Variants in DCDC2 observed in about 807,000 individuals in gnomAD.
The protein encoded by DCDC2 is doublecortin domain-containing protein 2.
In DCDC2, 40 loss-of-function variants were observed where a neutral mutation model predicts 50.2. That is an observed-to-expected ratio of 0.80 (90% CI 0.62 to 1.04). The LOEUF (loss-of-function observed/expected upper bound fraction) is 1.04, where lower values mean the gene tolerates loss of function less well. Ranked by LOEUF, DCDC2 falls within the 50% of genes least tolerant of loss-of-function variation. DCDC2 has a pLI of 0.00. For missense variants in DCDC2, 570 were observed against 581.9 expected (o/e 0.98, Z 0.21); for synonymous variants, 234 against 210.6 (o/e 1.11, Z -0.96).
intron 2 of DCDC2, among the ~76,000 whole-genome samples, chr6:24,321,761 G>A (rs1417967312): frequency 2.0e-5 from 3 of 152,170 alleles, no homozygotes; most frequent in Non-Finnish European, 4.4e-5. Flanking sequence ...TCCTAACTTT[G>A]CTGGGTAGGA....
chr6:24,236,014 GT>G lies in DCDC2; in HGVS notation c.923-30913del, dbSNP rs1232932426. Among the ~76,000 whole-genome samples, 3 of 152,162 alleles carry G rather than the reference GT, an allele frequency of 2.0e-5. No homozygotes were observed. In the East Asian group the frequency reaches 5.8e-4, roughly 29 times the overall value. ...TAGAAGAGCCAATGTCATTAAAATG[GT>G]CACAATGCCCAAAGCAATTTAGACT... On this transcript the variant is annotated intron_variant, in intron 7 of 9. Transcript: ENST00000378454.
At chr6:24,355,627 A>C (rs919922028) in intron 1 of DCDC2, among the ~76,000 whole-genome samples, 17 of 152,206 alleles carry the variant, frequency 1.1e-4, no homozygotes, top group Non-Finnish European at 2.1e-4. Flanking sequence ...TGAGCAACTC[A>C]GTCTTCAGTC....
intron 8 of DCDC2, among the ~76,000 whole-genome samples, chr6:24,193,993 A>C (rs1322390127): frequency 1.3e-5 from 2 of 152,166 alleles, no homozygotes; most frequent in African/African-American, 4.8e-5. Context: ...TTTTTAAATT[A>C]AAGTTTAATT....
intron 2 of DCDC2, among the ~76,000 whole-genome samples, chr6:24,337,797 C>CA (rs34344592): frequency 0.15 from 18,346 of 126,512 alleles, 2,253 homozygotes; most frequent in African/African-American, 0.34. Context: ...GACTCCGTCT[C>CA]AAAAAAAAAA....
chr6:24,264,632 T>C (rs1031782187), intron 7 of DCDC2, among the ~76,000 whole-genome samples: 3 of 150,632 alleles, frequency 2.0e-5, no homozygotes, highest in African/African-American at 4.9e-5. Flanking sequence ...ACAACAGATA[T>C]ACAAAAAAAC....
chr6:24,271,174 C>A (rs1763228264), intron 7 of DCDC2, among the ~76,000 whole-genome samples: 1 of 112,372 alleles, frequency 8.9e-6, no homozygotes, highest in East Asian at 3.2e-4. Flanking sequence ...TGCCACTGTA[C>A]TCCAGCCTGG....
intron 7 of DCDC2, among the ~76,000 whole-genome samples, chr6:24,247,368 A>G (rs902925330): frequency 6.6e-6 from 1 of 151,922 alleles, no homozygotes; most frequent in African/African-American, 2.4e-5. Flanking sequence ...GCAAATACCC[A>G]TAACTTGGGG....
At chr6:24,328,422 T>C (rs1390539229) in intron 2 of DCDC2, among the ~76,000 whole-genome samples, 1 of 152,234 alleles carries the variant, frequency 6.6e-6, no homozygotes, top group Non-Finnish European at 1.5e-5. Flanking sequence ...CCATAACTTG[T>C]ATCTGAATAT....
At chr6:24,176,830 T>C (rs1279732652) in intron 9 of DCDC2, among the ~76,000 whole-genome samples, 1 of 152,226 alleles carries the variant, frequency 6.6e-6, no homozygotes, top group East Asian at 1.9e-4. Flanking sequence ...TTAACTGTTT[T>C]TAGATTACAC....
chr6:24,293,935 G>A (rs1763803642), intron 4 of DCDC2, among the ~76,000 whole-genome samples: 1 of 152,030 alleles, frequency 6.6e-6, no homozygotes, highest in Admixed American at 6.5e-5. Context: ...GTGACTTTGG[G>A]GTAAATAATA....
rs1484447809 is a variant in DCDC2, at chr6:24,353,585, T to C, written c.332A>G (p.Glu111Gly). Residue 111 changes from glutamate (E) to glycine (G), a missense_variant, in exon 2 of 10, where the codon GAA (glutamate) becomes GGA (glycine). Glu to Gly is a moderately conservative substitution (Grantham distance 98). Coordinates refer to ENST00000378454, the MANE Select transcript of DCDC2 (RefSeq NM_016356.5). The stretch of plus-strand genomic sequence containing the variant: ...TTGCATTACCTCTGTATTAACAACT[T>C]CCATTGGTCTTTTCTTGATTTCTCC... ...DIGEIKKRPM[E>G]VVNTEVKPVI... 6.3e-7 allele frequency: 1 copy of C among 1,586,716 alleles called. No homozygotes were observed. Among genetic ancestry groups the C allele is most frequent in the Non-Finnish European group, 8.6e-7 (1 of 1,165,804 alleles).
intron 2 of DCDC2, among the ~76,000 whole-genome samples, chr6:24,308,685 A>T (rs1169116810): frequency 6.6e-6 from 1 of 152,214 alleles, no homozygotes; most frequent in African/African-American, 2.4e-5. Context: ...AATTCAGTAG[A>T]AAAGGTGGAA....
intron 8 of DCDC2, among the ~76,000 whole-genome samples, chr6:24,195,863 C>T (rs577000595): frequency 6.6e-6 from 1 of 152,332 alleles, no homozygotes; most frequent in Non-Finnish European, 1.5e-5. Flanking sequence ...CCTCTGCTCA[C>T]AAGATGGGCA....
intron 6 of DCDC2, among the ~76,000 whole-genome samples, chr6:24,285,464 A>G (rs1561758529): frequency 6.6e-6 from 1 of 152,112 alleles, no homozygotes; most frequent in Non-Finnish European, 1.5e-5. Flanking sequence ...GATTAATGGA[A>G]TCGCTTGTTT....
chr6:24,266,320 T>C (rs1191634649), intron 7 of DCDC2, among the ~76,000 whole-genome samples: 2 of 151,712 alleles, frequency 1.3e-5, no homozygotes, highest in African/African-American at 4.8e-5. Context: ...AAGCACAAGA[T>C]TATGGGATCA....
At chr6:24,205,423 C>A in intron 7 of DCDC2, 1 of 1,198,060 alleles carries the variant, frequency 8.3e-7, no homozygotes, top group Non-Finnish European at 1.1e-6. Context: ...TCACAAGTAT[C>A]ATCCCAGTTC....
At chr6:24,213,724 T>C (rs1427256823) in intron 7 of DCDC2, among the ~76,000 whole-genome samples, 1 of 152,174 alleles carries the variant, frequency 6.6e-6, no homozygotes, top group Non-Finnish European at 1.5e-5. Flanking sequence ...AGGGTCTTTA[T>C]GAAGCTTAGC....
chr6:24,247,390 T>G (rs1032855127), intron 7 of DCDC2, among the ~76,000 whole-genome samples: 1 of 152,064 alleles, frequency 6.6e-6, no homozygotes, highest in Non-Finnish European at 1.5e-5. Context: ...AAGACTTAAT[T>G]AAAAGACATT....
At chr6:24,260,998 C>T (rs890832166) in intron 7 of DCDC2, among the ~76,000 whole-genome samples, 16 of 152,282 alleles carry the variant, frequency 1.1e-4, no homozygotes, top group African/African-American at 3.4e-4. Context: ...TTCCCTTTTG[C>T]TCCTAATACA....
Sources: gnomAD v4.1 joint callset for allele counts (sites outside exome capture counted in the v4.1 genomes callset) on GRCh38, gnomAD v4.1.1 for gene constraint, MANE v1.5 for transcripts, NCBI Gene and HGNC (gene_info 2026-07-23, HGNC 2026-07-21) for gene names.